HCRTR2: variants seen among roughly 807,000 people sequenced by gnomAD.
HCRTR2 encodes the protein orexin receptor type 2.
A neutral mutation model predicts 49.0 loss-of-function variants in HCRTR2; 22 were observed. The ratio of observed to expected loss-of-function variants is 0.45; its 90% CI spans 0.32 to 0.64. HCRTR2 has a LOEUF of 0.64. Among genes scored for constraint, HCRTR2 ranks in the 30% least tolerant of loss-of-function variants. HCRTR2 has a pLI of 0.04. For synonymous variants in HCRTR2, 236 were observed against 205.3 expected, an observed-to-expected ratio of 1.15 and a Z score of -1.28; for missense variants, 491 against 559.4, an observed-to-expected ratio of 0.88 and a Z score of 1.23.
intron 1 of HCRTR2, among the ~76,000 whole-genome samples, chr6:55,175,997 G>A (rs1242453493): frequency 2.0e-5 from 3 of 152,156 alleles, no homozygotes; most frequent in African/African-American, 7.2e-5. Flanking sequence ...AGTGAGGTGA[G>A]ATAGGCTGGG....
intron 1 of HCRTR2, among the ~76,000 whole-genome samples, chr6:55,107,132 G>A (rs1763984983): frequency 6.7e-6 from 1 of 149,378 alleles, no homozygotes; most frequent in Admixed American, 6.7e-5. Context: ...CCGTGTAGAT[G>A]TCTTGTTTGT....
chr6:55,173,951 C>T (rs1317052281), upstream of HCRTR2, among the ~76,000 whole-genome samples: 4 of 152,012 alleles, frequency 2.6e-5, no homozygotes, highest in Non-Finnish European at 5.9e-5. Flanking sequence ...TTCCATTGTC[C>T]TGCTTGAGAA....
At chr6:55,209,556 G>A (rs953184495) in intron 1 of HCRTR2, among the ~76,000 whole-genome samples, 15 of 152,104 alleles carry the variant, frequency 9.9e-5, no homozygotes, top group African/African-American at 2.4e-4. Flanking sequence ...GGAGAGACTC[G>A]TGGGAGGCAG....
At chr6:55,256,844 G>A (rs895004065) in intron 3 of HCRTR2, among the ~76,000 whole-genome samples, 3 of 152,106 alleles carry the variant, frequency 2.0e-5, no homozygotes, top group African/African-American at 7.2e-5. Flanking sequence ...CTCTGCTTAC[G>A]GGAGCACACT....
chr6:55,166,807 T>A (rs1225395551), intron 1 of HCRTR2, among the ~76,000 whole-genome samples: 10 of 152,132 alleles, frequency 6.6e-5, no homozygotes, highest in African/African-American at 2.2e-4. Context: ...ATCCAAATAT[T>A]CATCAACTGC....
At chr6:55,219,847 GT>G (rs1257452745) in intron 1 of HCRTR2, among the ~76,000 whole-genome samples, 1 of 151,814 alleles carries the variant, frequency 6.6e-6, no homozygotes, top group East Asian at 1.9e-4. Context: ...AAATAATATT[GT>G]AAATAAAAAA....
chr6:55,180,369 AG>A (rs1185563099), intron 1 of HCRTR2, among the ~76,000 whole-genome samples: 1 of 152,232 alleles, frequency 6.6e-6, no homozygotes, highest in Non-Finnish European at 1.5e-5. Flanking sequence ...AAAAAGAGGA[AG>A]GAAGAGATAC....
intron 1 of HCRTR2, among the ~76,000 whole-genome samples, chr6:55,215,352 A>T (rs1481014000): frequency 6.6e-6 from 1 of 152,248 alleles, no homozygotes; most frequent in Non-Finnish European, 1.5e-5. Context: ...AAAATGAAGG[A>T]GAATAAAGGA....
In HCRTR2 at chr6:55,282,545, C is replaced by A; in HGVS notation, c.*91C>A. On this transcript the variant is annotated 3_prime_UTR_variant, in exon 7 of 7. Transcript: ENST00000370862. ...AATTTTATTATCCTATGATGTGAAG[C>A]TAAAATTACTTGTGGATCTTTTTTT... 1 of 721,020 alleles carries A rather than the reference C, an allele frequency of 1.4e-6. No homozygotes were observed. Among genetic ancestry groups the A allele is most frequent in the Non-Finnish European group, 2.4e-6 (1 of 420,196 alleles). 44.7% of individuals were successfully genotyped at this position (721,020 alleles called of 1,614,324 possible). A position where few individuals can be genotyped will look rare whatever the true frequency, so the allele number is the denominator to read the frequency against.
chr6:55,188,583 C>T (rs906414911), intron 1 of HCRTR2, among the ~76,000 whole-genome samples: 3 of 152,100 alleles, frequency 2.0e-5, no homozygotes, highest in African/African-American at 7.2e-5. Flanking sequence ...CTTTCTAGGG[C>T]TTATCTAATT....
intron 1 of HCRTR2, among the ~76,000 whole-genome samples, chr6:55,220,914 ACT>A (rs1483515671): frequency 1.3e-5 from 2 of 152,152 alleles, no homozygotes; most frequent in African/African-American, 2.4e-5. Flanking sequence ...ATAGCAGCAA[ACT>A]CTCTGAAAAA....
rs185451897 is a variant in HCRTR2 at position 55,220,784 on chromosome 6, A to G, written c.224-27855A>G. Among the ~76,000 whole-genome samples the G allele has an allele frequency of 3.1e-3, 468 of 152,306 alleles. 4 individuals are homozygous for G. Among genetic ancestry groups the G allele is most frequent in the African/African-American group, 9.2e-3 (383 of 41,584 alleles). ...GGGAAAATTATCTCTATTCCCAGAT[A>G]TAATAATCTTATATGTAGAAAATTC... On this transcript the variant is annotated intron_variant, in intron 1 of 6. Transcript: ENST00000370862.
At chr6:55,283,228 G>A (rs939044470), downstream of HCRTR2, among the ~76,000 whole-genome samples, 2 of 152,186 alleles carry the variant, frequency 1.3e-5, no homozygotes, top group Admixed American at 6.5e-5. Flanking sequence ...AATTAAAAAT[G>A]CACCACTGTG....
At position 55,120,666 on chromosome 6, in the gene HCRTR2, G is replaced by T. The variant is rs192722066; in HGVS notation, c.-378+14121G>T. ...GGAGATTTGGAGCTGAGATGATAGG[G>T]TTTTCTAAATATACAATCATGTCAT... On this transcript the variant is annotated intron_variant, in intron 1 of 7. Coordinates refer to the HCRTR2 transcript ENST00000615358. Among the ~76,000 whole-genome samples, 1,423 of 151,422 alleles carry T rather than the reference G, an allele frequency of 9.4e-3. 76 individuals are homozygous for T. The highest frequency in any genetic ancestry group is 0.033 in the African/African-American group (1,338 of 40,838).
intron 1 of HCRTR2, among the ~76,000 whole-genome samples, chr6:55,161,609 G>A (rs958870639): frequency 6.6e-6 from 1 of 152,042 alleles, no homozygotes; most frequent in East Asian, 1.9e-4. Context: ...GAAGAAAAGA[G>A]AGAAGAATTG....
intron 1 of HCRTR2, among the ~76,000 whole-genome samples, chr6:55,111,544 A>G: frequency 6.6e-6 from 1 of 152,016 alleles, no homozygotes; most frequent in East Asian, 1.9e-4. Flanking sequence ...AAACTAGAAA[A>G]CCTAGAGGAG....
chr6:55,174,523 C>G lies in HCRTR2; in HGVS notation c.-65C>G. 1 of 1,330,976 alleles carries G rather than the reference C, an allele frequency of 7.5e-7. No individual in the cohort carries two copies. The highest frequency in any genetic ancestry group is 1.7e-5 in the Admixed American group (1 of 59,624). 82.4% of individuals were successfully genotyped at this position (1,330,976 alleles called of 1,614,324 possible). On this transcript the variant is annotated 5_prime_UTR_variant, in exon 1 of 7. Coordinates refer to ENST00000370862, the MANE Select transcript of HCRTR2 (RefSeq NM_001384272.1). ...GCGCAGCCTTTCCCACCGCAAATCA[C>G]CAGTGCTCATGGGGCAGGCGGAGAG...
intron 1 of HCRTR2, among the ~76,000 whole-genome samples, chr6:55,209,216 A>T (rs1424294886): frequency 6.6e-6 from 1 of 152,180 alleles, no homozygotes; most frequent in African/African-American, 2.4e-5. Context: ...GAATTCAAGA[A>T]CTAGTGAGTC....
At chr6:55,172,259 CT>C (rs952855906), upstream of HCRTR2, among the ~76,000 whole-genome samples, 3 of 152,124 alleles carry the variant, frequency 2.0e-5, no homozygotes, top group Non-Finnish European at 4.4e-5. Flanking sequence ...TTAATAGAGC[CT>C]TTTTGAACAA....
Sources: allele counts gnomAD v4.1 joint callset (sites outside exome capture counted in the v4.1 genomes callset), GRCh38; gene constraint gnomAD v4.1.1; transcripts MANE v1.5; gene names NCBI Gene and HGNC (gene_info 2026-07-23, HGNC 2026-07-21).